The following GANC variants were observed in gnomAD, a reference collection of about 807,000 sequenced individuals.
GANC encodes glucosidase alpha, neutral C.
A neutral mutation model predicts 124.2 loss-of-function variants in GANC; 117 were observed. That is an observed-to-expected ratio of 0.94 (90% CI 0.81 to 1.10). The LOEUF is 1.10. Among genes scored for constraint, GANC ranks in the 50% least tolerant of loss-of-function variants. The pLI, the probability that GANC is intolerant of heterozygous loss-of-function variation, is 0.00. For missense variants in GANC, 1,140 were observed against 1,095.0 expected, an observed-to-expected ratio of 1.04 and a Z score of -0.58; for synonymous variants, 377 against 376.8, an observed-to-expected ratio of 1.00 and a Z score of -0.01.
intron 2 of GANC, chr15:42,278,089 G>A (rs2051694037): frequency 5.8e-6 from 2 of 346,404 alleles, no homozygotes; most frequent in Non-Finnish European, 1.2e-5. Flanking sequence ...TGAATGCCTG[G>A]TAACCTTGTT....
Position 42,348,517 on chromosome 15 carries a change from C to T in GANC, c.2418+301C>T, listed in dbSNP as rs534073586. On this transcript the variant is annotated intron_variant, in intron 21 of 23. Transcript: ENST00000318010. The stretch of plus-strand genomic sequence containing the variant: ...TTTTGGGCCATAGACAGCCTTCCCA[C>T]GTGGATTAGCCCTGAAACCCAGTCT... 4.6e-5 allele frequency among the ~76,000 whole-genome samples: 7 copies of T among 152,320 alleles called. No homozygotes were observed. The South Asian group carries it at 8.3e-4, about 18-fold the overall frequency.
chr15:42,320,091 G>C (rs2052143665), intron 10 of GANC, among the ~76,000 whole-genome samples: 1 of 152,180 alleles, frequency 6.6e-6, no homozygotes, highest in Non-Finnish European at 1.5e-5. Flanking sequence ...GGCTGAGGCA[G>C]GAAAATCGCT....
rs1241269967 is a variant in GANC, at chr15:42,345,744, CTG to C, written c.2230-12_2230-11del. Reference sequence around the variant, plus strand: ...CTTATGTACTCTTTTTTACTGGACTCTGTTACTTTCTAGGTCTGGTATGACTA... The same window carrying C: ...CTTATGTACTCTTTTTTACTGGACTCTTACTTTCTAGGTCTGGTATGACTA... On this transcript the variant is annotated splice_polypyrimidine_tract_variant and intron_variant, in intron 19 of 23. Coordinates refer to ENST00000318010, the MANE Select transcript of GANC (RefSeq NM_198141.3). 6.3e-7 allele frequency: 1 copy of C among 1,577,628 alleles called. No individual in the cohort carries two copies. The highest frequency in any genetic ancestry group is 1.4e-5 in the African/African-American group (1 of 73,982).
At chr15:42,338,698 G>A (rs112843285) in intron 16 of GANC, among the ~76,000 whole-genome samples, 14,766 of 152,114 alleles carry the variant, frequency 0.097, 835 homozygotes, top group South Asian at 0.18. Context: ...TCTGTTGAGG[G>A]CATGAAATCA....
intron 3 of GANC, among the ~76,000 whole-genome samples, chr15:42,285,951 CT>C (rs1382605704): frequency 1.3e-5 from 2 of 152,104 alleles, no homozygotes; most frequent in East Asian, 3.9e-4. Context: ...CTTTTCCCCC[CT>C]GGGCTGCAGC....
At chr15:42,279,859 T>G (rs1195778612) in intron 3 of GANC, among the ~76,000 whole-genome samples, 1 of 152,208 alleles carries the variant, frequency 6.6e-6, no homozygotes, top group Non-Finnish European at 1.5e-5. Context: ...ACTACTATAG[T>G]TCCTGCCCTG....
At position 42,321,774 on chromosome 15, in the gene GANC, C is replaced by G; in HGVS notation, c.1058-11C>G. On this transcript the variant is annotated splice_polypyrimidine_tract_variant and intron_variant, in intron 10 of 23. Transcript: ENST00000318010. ...ATGGCAGTTGACTCAGTTGTCATCT[C>G]CCTCTTTTAGGCACACAAGCCATGC... 6.2e-7 allele frequency: 1 copy of G among 1,611,030 alleles called. No homozygotes were observed. Among genetic ancestry groups the G allele is most frequent in the Non-Finnish European group, 8.5e-7 (1 of 1,177,186 alleles).
At chr15:42,306,069 C>G (rs2051992709) in intron 6 of GANC, among the ~76,000 whole-genome samples, 2 of 151,736 alleles carry the variant, frequency 1.3e-5, no homozygotes, top group African/African-American at 4.8e-5. Flanking sequence ...CTGTGTCGCC[C>G]AGGCTGGAGT....
At position 42,351,421 on chromosome 15, in the gene GANC, C is replaced by G. The variant is rs773935519; in HGVS notation, c.2624C>G (p.Thr875Ser). The change falls in exon 23 of 24, where the codon ACC (threonine) becomes AGC (serine). Residue 875 changes from threonine to serine, a missense_variant. Transcript: ENST00000318010. ...AGGAAGGAGCCATCTTCTGTGACTA[C>G]CCACTCATCTGGTGAGAAAGCAGTC... ...GFRKEPSSVT[T>S]HSSDGKDQPV... 6.2e-6 allele frequency: 10 copies of G among 1,610,774 alleles called. No individual in the cohort carries two copies. The highest frequency in any genetic ancestry group is 8.5e-6 in the Non-Finnish European group (10 of 1,177,106).
chr15:42,297,645 G>A lies in GANC; in HGVS notation c.547G>A (p.Asp183Asn). ...AKENEEETSV[D>N]TSQENQEDLG... ...AGAAAATGAGGAGGAGACATCAGTG[G>A]ACACCTCTCAGGTAATCTAGATTGA... The change falls in exon 6 of 24, where the codon GAC becomes AAC. Residue 183 changes from aspartate to asparagine, a missense_variant. Transcript: ENST00000318010. 1.2e-6 allele frequency: 2 copies of A among 1,610,428 alleles called. No homozygotes were observed. The highest frequency in any genetic ancestry group is 1.7e-6 in the Non-Finnish European group (2 of 1,177,248).
Position 42,337,823 on chromosome 15 carries a change from A to T in GANC, c.1742-566A>T, listed in dbSNP as rs546113549. On this transcript the variant is annotated intron_variant, in intron 15 of 23. Coordinates refer to ENST00000318010, the MANE Select transcript of GANC (RefSeq NM_198141.3). ...ACGCCTATAATTTCAGCACTTTGGG[A>T]AGCCAAGGCAGGTGGATCACTTGAG... 3.3e-5 allele frequency among the ~76,000 whole-genome samples: 5 copies of T among 152,314 alleles called. No individual in the cohort carries two copies. The South Asian group carries it at 1.0e-3, about 32-fold the overall frequency.
In GANC at chr15:42,278,548, T is replaced by A; in HGVS notation, c.159T>A (p.Asp53Glu). The A allele has an allele frequency of 6.2e-7, 1 of 1,613,130 alleles. No individual in the cohort carries two copies. The highest frequency in any genetic ancestry group is 8.5e-7 in the Non-Finnish European group (1 of 1,179,536). The change falls in exon 3 of 24, where the codon GAT becomes GAA. Residue 53 changes from aspartate to glutamate, a missense_variant. Physicochemically the swap from Asp to Glu is conservative, Grantham distance 45. Transcript: ENST00000318010. Reference sequence around the variant, plus strand: ...CATTATTGGATTCAGTCACAACAGATGAAGACAGCACCAGGTTCCAAATCA... The same window carrying A: ...CATTATTGGATTCAGTCACAACAGAAGAAGACAGCACCAGGTTCCAAATCA... The part of the protein sequence containing the change: ...YQALLDSVTT[D>E]EDSTRFQIIN...
In GANC at chr15:42,353,449, T is replaced by C; in HGVS notation, c.*1310T>C. On this transcript the variant is annotated 3_prime_UTR_variant, in exon 24 of 24. Transcript: ENST00000318010. ...GTGATTTTGCCCTTCCCCGTAATGC[T>C]GTCCCACTTATAACTGTGCTCTACT... The C allele has an allele frequency of 4.3e-6, 4 of 932,958 alleles. No homozygotes were observed. Among genetic ancestry groups the C allele is most frequent in the Non-Finnish European group, 5.1e-6 (4 of 782,240 alleles). The allele number at this position is 932,958 out of a possible 1,614,324, so 57.8% of individuals were successfully genotyped here.
chr15:42,345,880 C>T (rs774627222), intron 20 of GANC, 48 bp downstream of exon 20: 16 of 1,315,230 alleles, frequency 1.2e-5, no homozygotes, highest in East Asian at 2.3e-5. Flanking sequence ...CTCTATTGGT[C>T]GGCTAGGGCT....
chr15:42,319,904 G>A (rs1362749641), intron 10 of GANC, among the ~76,000 whole-genome samples: 2 of 152,192 alleles, frequency 1.3e-5, no homozygotes, highest in Non-Finnish European at 2.9e-5. Flanking sequence ...GATTTTAGAG[G>A]CCAGATTTGG....
chr15:42,340,859 C>A, intron 18 of GANC, 105 bp downstream of exon 18: 3 of 842,380 alleles, frequency 3.6e-6, no homozygotes, highest in East Asian at 5.4e-5. Context: ...CTCCGCCTCC[C>A]GGTTTCAAGA....
At position 42,311,055 on chromosome 15, in the gene GANC, C is replaced by T. The variant is rs184650297; in HGVS notation, c.1057+209C>T. Among the ~76,000 whole-genome samples, 255 of 152,350 alleles carry T rather than the reference C, an allele frequency of 1.7e-3. 2 individuals are homozygous for T. The highest frequency in any genetic ancestry group is 2.9e-3 in the Non-Finnish European group (199 of 68,024). On this transcript the variant is annotated intron_variant, in intron 10 of 23. Coordinates refer to ENST00000318010, the MANE Select transcript of GANC (RefSeq NM_198141.3). ...TCTAGAATGCTCTACTGTCTAGTTC[C>T]TAATACTTGCCATCTGCTTTCCTTG... is the stretch of plus-strand genomic sequence containing the variant.
intron 10 of GANC, among the ~76,000 whole-genome samples, chr15:42,320,141 C>T (rs1288794770): frequency 6.6e-6 from 1 of 152,060 alleles, no homozygotes; most frequent in Non-Finnish European, 1.5e-5. Flanking sequence ...TGAGATCGTG[C>T]CACTGCACTC....
At chr15:42,322,046 C>T (rs2052163625) in intron 11 of GANC, 26 bp downstream of exon 11, 1 of 1,557,124 alleles carries the variant, frequency 6.4e-7, no homozygotes, top group African/African-American at 1.4e-5. Context: ...ATTTCTGAAC[C>T]TTTTAATTAC....
Sources: allele counts gnomAD v4.1 joint callset (sites outside exome capture counted in the v4.1 genomes callset), GRCh38; gene constraint gnomAD v4.1.1; transcripts MANE v1.5; gene names NCBI Gene and HGNC (gene_info 2026-07-23, HGNC 2026-07-21).